RIMS4: variants seen among roughly 807,000 people sequenced by gnomAD.
RIMS4 encodes the protein regulating synaptic membrane exocytosis 4.
RIMS4 carries 9 observed loss-of-function variants against 29.0 expected under a neutral mutation model. The observed-to-expected ratio is 0.31, with a 90% CI of 0.19 to 0.54. RIMS4 has a LOEUF of 0.54. Among genes scored for constraint, RIMS4 ranks in the 20% least tolerant of loss-of-function variants. The probability of loss-of-function intolerance (pLI) is 0.94; values close to 1 mark genes in which losing one functional copy is unlikely to be tolerated. For missense variants in RIMS4, 193 were observed against 365.7 expected (o/e 0.53, Z 3.85); for synonymous variants, 130 against 152.9 (o/e 0.85, Z 1.10).
intron 1 of RIMS4, among the ~76,000 whole-genome samples, chr20:44,802,932 G>T (rs938378764): frequency 1.3e-5 from 2 of 152,070 alleles, no homozygotes; most frequent in Non-Finnish European, 2.9e-5. Context: ...TATTCCCTCT[G>T]CCTGGAACAC....
intron 2 of RIMS4, among the ~76,000 whole-genome samples, chr20:44,768,344 G>A (rs1445105317): frequency 2.0e-5 from 3 of 152,296 alleles, no homozygotes; most frequent in African/African-American, 4.8e-5. Context: ...GTGATCCAGC[G>A]CAGTCAGACA....
At chr20:44,762,137 C>T (rs1027773536) in intron 2 of RIMS4, among the ~76,000 whole-genome samples, 1 of 152,212 alleles carries the variant, frequency 6.6e-6, no homozygotes, top group African/African-American at 2.4e-5. Context: ...CTCTCATGCA[C>T]AGTTCACAGC....
chr20:44,757,384 T>C (rs763019281), intron 4 of RIMS4, among the ~76,000 whole-genome samples: 9 of 151,820 alleles, frequency 5.9e-5, no homozygotes, highest in Non-Finnish European at 1.2e-4. Context: ...GAGCACCTAC[T>C]GCATGCCAAG....
chr20:44,794,716 G>A lies in RIMS4; in HGVS notation c.97+15459C>T, dbSNP rs377598065. Among the ~76,000 whole-genome samples the A allele has an allele frequency of 5.9e-5, 9 of 152,312 alleles. No homozygotes were observed. In the East Asian group the frequency reaches 9.6e-4, roughly 16 times the overall value. Reference sequence around the variant, plus strand: ...CCTCCCGGCATCACCAGACCAGCCTGGTGCCACACTGCTGACTTTTTTTGT... The same window carrying A: ...CCTCCCGGCATCACCAGACCAGCCTAGTGCCACACTGCTGACTTTTTTTGT... On this transcript the variant is annotated intron_variant, in intron 1 of 5. Coordinates refer to ENST00000372851, the MANE Select transcript of RIMS4 (RefSeq NM_182970.4).
At chr20:44,809,087 C>G (rs2066311526) in intron 1 of RIMS4, among the ~76,000 whole-genome samples, 1 of 152,198 alleles carries the variant, frequency 6.6e-6, no homozygotes, top group African/African-American at 2.4e-5. Context: ...ACTCCACCCT[C>G]ACACCATACA....
intron 4 of RIMS4, among the ~76,000 whole-genome samples, chr20:44,757,398 C>G (rs1436855558): frequency 6.6e-6 from 1 of 152,116 alleles, no homozygotes; most frequent in Non-Finnish European, 1.5e-5. Flanking sequence ...TGCCAAGAAC[C>G]CTGCTAGGCA....
intron 1 of RIMS4, among the ~76,000 whole-genome samples, chr20:44,774,564 A>T (rs1286154939): frequency 6.6e-6 from 1 of 152,158 alleles, no homozygotes; most frequent in Non-Finnish European, 1.5e-5. Context: ...TGGGACTCAG[A>T]CTGGCTTCCT....
intron 2 of RIMS4, among the ~76,000 whole-genome samples, chr20:44,764,659 G>A (rs2066106164): frequency 6.6e-6 from 1 of 152,180 alleles, no homozygotes; most frequent in Admixed American, 6.5e-5. Flanking sequence ...TGCCGTGGAT[G>A]TCTGAGGCGC....
chr20:44,797,559 C>T (rs565455753), intron 1 of RIMS4, among the ~76,000 whole-genome samples: 1 of 152,346 alleles, frequency 6.6e-6, no homozygotes, highest in South Asian at 2.1e-4. Flanking sequence ...CCATATGAAG[C>T]ATACAAAATT....
intron 1 of RIMS4, among the ~76,000 whole-genome samples, chr20:44,796,756 C>T (rs1337186903): frequency 1.3e-5 from 2 of 152,194 alleles, no homozygotes; most frequent in African/African-American, 4.8e-5. Context: ...AGGGAGAAAA[C>T]TCAAACAAGA....
chr20:44,763,774 T>G (rs2066096152), intron 2 of RIMS4, among the ~76,000 whole-genome samples: 1 of 152,336 alleles, frequency 6.6e-6, no homozygotes, highest in Middle Eastern at 3.4e-3. Context: ...GTGAAAGAAG[T>G]AACTGGCTCA....
At position 44,753,717 on chromosome 20, in the gene RIMS4, C is replaced by G. The variant is rs1280848987; in HGVS notation, c.*2417G>C. 3 of 152,528 alleles carry G rather than the reference C, an allele frequency of 2.0e-5. No homozygotes were observed. The highest frequency in any genetic ancestry group is 4.4e-5 in the Non-Finnish European group (3 of 68,090). The allele number at this position is 152,528 out of a possible 1,614,324, so 9.4% of individuals were successfully genotyped here. A position where few individuals can be genotyped will look rare whatever the true frequency, so the allele number is the denominator to read the frequency against. On this transcript the variant is annotated 3_prime_UTR_variant, in exon 6 of 6. Coordinates refer to ENST00000372851, the MANE Select transcript of RIMS4 (RefSeq NM_182970.4). ...TGAGGACAGACCGTAGTTCCCACAC[C>G]CAATGGTCACAGCCCCTGGGAAGGG... is the stretch of plus-strand genomic sequence containing the variant.
At chr20:44,810,074 G>GTT in intron 1 of RIMS4, 101 bp downstream of exon 1, 1 of 551,026 alleles carries the variant, frequency 1.8e-6, no homozygotes, top group Non-Finnish European at 3.2e-6. Context: ...GCCTTCCCAG[G>GTT]GGATTGGGGG....
Position 44,758,155 on chromosome 20 carries a change from G to A in RIMS4, c.266C>T (p.Ser89Leu). 1 of 1,613,472 alleles carries A rather than the reference G, an allele frequency of 6.2e-7. No homozygotes were observed. Among genetic ancestry groups the A allele is most frequent in the Non-Finnish European group, 8.5e-7 (1 of 1,179,632 alleles). The change falls in exon 3 of 6, where the codon TCG becomes TTG. Residue 89 changes from serine to leucine, a missense_variant. Physicochemically the swap from Ser to Leu is moderately radical, Grantham distance 145 (BLOSUM62 -2). Coordinates refer to ENST00000372851, the MANE Select transcript of RIMS4 (RefSeq NM_182970.4). ...NLNYGGVCLASDAQFSDFLGS... is the reference protein window; with the variant it reads ...NLNYGGVCLALDAQFSDFLGS... ...CAGGAAGTCACTGAACTGGGCGTCC[G>A]ACGCCAGGCAAACTCCTCCATAGTT...
At chr20:44,798,673 A>G (rs2066265123) in intron 1 of RIMS4, among the ~76,000 whole-genome samples, 1 of 152,178 alleles carries the variant, frequency 6.6e-6, no homozygotes, top group East Asian at 1.9e-4. Flanking sequence ...CCTTGCCCCA[A>G]CAGTTATGCC....
In RIMS4 at chr20:44,757,965, C is replaced by T. The variant is rs147414295; in HGVS notation, c.349+107G>A. On this transcript the variant is annotated intron_variant, in intron 3 of 5. Coordinates refer to ENST00000372851, the MANE Select transcript of RIMS4 (RefSeq NM_182970.4). ...TGTGCCCTGGGCTCTAGGCGGCATG[C>T]GCAGAGGATGGATCAACAGGCAAAG... 110 of 994,004 alleles carry T rather than the reference C, an allele frequency of 1.1e-4. No individual in the cohort carries two copies. The African/African-American group carries it at 1.3e-3, about 12-fold the overall frequency. 61.6% of individuals were successfully genotyped at this position (994,004 alleles called of 1,614,324 possible). A position where few individuals can be genotyped will look rare whatever the true frequency, so the allele number is the denominator to read the frequency against.
intron 1 of RIMS4, among the ~76,000 whole-genome samples, chr20:44,775,417 G>A (rs1254366989): frequency 6.6e-6 from 1 of 152,138 alleles, no homozygotes; most frequent in Non-Finnish European, 1.5e-5. Flanking sequence ...CTGAGCCCAT[G>A]TTGCCCCCAC....
chr20:44,810,096 G>A (rs889709457), intron 1 of RIMS4, 79 bp downstream of exon 1: 1 of 739,752 alleles, frequency 1.4e-6, no homozygotes, highest in Non-Finnish European at 2.1e-6. Flanking sequence ...GGGGAGGAGG[G>A]CGCACGGGTC....
At chr20:44,788,094 G>A (rs1316118299) in intron 1 of RIMS4, among the ~76,000 whole-genome samples, 1 of 152,240 alleles carries the variant, frequency 6.6e-6, no homozygotes, top group African/African-American at 2.4e-5. Context: ...GCTGGCTCCA[G>A]ACCTCAGTCT....
Sources: gnomAD v4.1 joint callset for allele counts (sites outside exome capture counted in the v4.1 genomes callset) on GRCh38, gnomAD v4.1.1 for gene constraint, MANE v1.5 for transcripts, NCBI Gene and HGNC (gene_info 2026-07-23, HGNC 2026-07-21) for gene names.